Variants in ADAM15 observed in about 807,000 individuals in gnomAD.
ADAM15 encodes the protein disintegrin and metalloproteinase domain-containing protein 15.
A neutral mutation model predicts 113.8 loss-of-function variants in ADAM15; 77 were observed. The ratio of observed to expected loss-of-function variants is 0.68; its 90% CI spans 0.56 to 0.82. The LOEUF (loss-of-function observed/expected upper bound fraction) is 0.82, where lower values mean the gene tolerates loss of function less well. Among genes scored for constraint, ADAM15 ranks in the 40% least tolerant of loss-of-function variants. The probability of loss-of-function intolerance (pLI) is 0.00; values close to 1 mark genes in which losing one functional copy is unlikely to be tolerated. For synonymous variants in ADAM15, 388 were observed against 454.1 expected, an observed-to-expected ratio of 0.85 and a Z score of 1.85; for missense variants, 963 against 1,120.1, an observed-to-expected ratio of 0.86 and a Z score of 2.00.
Position 155,057,330 on chromosome 1 carries a change from C to A in ADAM15, c.1291C>A (p.Pro431Thr). ...AAFCGNMFVEPGEQCDCGFLD... is the reference protein window; with the variant it reads ...AAFCGNMFVETGEQCDCGFLD... ...TTTCTGCGGAAATATGTTTGTGGAG[C>A]CGGGCGAGCAGTGTGACTGTGGCTT... The change falls in exon 12 of 23, where the codon CCG becomes ACG. Residue 431 changes from proline to threonine, a missense_variant. Coordinates refer to ENST00000356955, the MANE Select transcript of ADAM15 (RefSeq NM_207197.3). The surrounding 1 kb of genome is among the most constrained non-coding windows in gnomAD (Gnocchi z 5.0). 2.5e-6 allele frequency: 4 copies of A among 1,614,184 alleles called. No homozygotes were observed. The highest frequency in any genetic ancestry group is 3.4e-6 in the Non-Finnish European group (4 of 1,180,024).
intron 20 of ADAM15, 129 bp from the exon 21 acceptor site, chr1:155,061,775 C>T (rs1662654008): frequency 1.9e-6 from 2 of 1,080,308 alleles, no homozygotes; most frequent in South Asian, 3.2e-5. Context: ...AAGCCCTCTG[C>T]GCATGCCCTC....
Position 155,061,918 on chromosome 1 carries a change from C to T in ADAM15, c.2367C>T (p.Asp789=). The change falls in exon 21 of 23, where the codon GAC becomes GAT. Residue 789 remains aspartate, a synonymous_variant. Coordinates refer to ENST00000356955, the MANE Select transcript of ADAM15 (RefSeq NM_207197.3). ...VSKRLQAELA[D]RPNPPTRPLP... ...TCTCTGTTCAGGCTGAGCTGGCTGA[C>T]CGACCCAATCCCCCTACCCGCCCTC... is the stretch of plus-strand genomic sequence containing the variant. 6.5e-7 allele frequency: 1 copy of T among 1,545,392 alleles called. No individual in the cohort carries two copies. Among genetic ancestry groups the T allele is most frequent in the Non-Finnish European group, 8.7e-7 (1 of 1,143,320 alleles).
Position 155,056,907 on chromosome 1 carries a change from G to T in ADAM15, c.1000-46G>T. The T allele has an allele frequency of 6.6e-7, 1 of 1,521,194 alleles. No homozygotes were observed. Among genetic ancestry groups the T allele is most frequent in the South Asian group, 1.3e-5 (1 of 76,356 alleles). The allele number at this position is 1,521,194 out of a possible 1,614,324, so 94.2% of individuals were successfully genotyped here. Reference sequence around the variant, plus strand: ...GAGAGGGTGGTCTGGGCATTGTGGTGGAGGCAGGCTGGGACTGGACCTACA... The same window carrying T: ...GAGAGGGTGGTCTGGGCATTGTGGTTGAGGCAGGCTGGGACTGGACCTACA... On this transcript the variant is annotated intron_variant, in intron 10 of 22. Coordinates refer to ENST00000356955, the MANE Select transcript of ADAM15 (RefSeq NM_207197.3). The surrounding 1 kb of genome is among the most constrained non-coding windows in gnomAD (Gnocchi z 4.0).
chr1:155,055,472 C>T (rs893271012), intron 6 of ADAM15: 12 of 357,260 alleles, frequency 3.4e-5, no homozygotes, highest in African/African-American at 1.3e-4. Context: ...ATGATCCACC[C>T]GCCTTGTCCT....
Position 155,062,606 on chromosome 1 carries a change from G to A in ADAM15, c.*104G>A. 6.8e-7 allele frequency: 1 copy of A among 1,473,014 alleles called. No individual in the cohort carries two copies. The highest frequency in any genetic ancestry group is 9.3e-7 in the Non-Finnish European group (1 of 1,080,278). The allele number at this position is 1,473,014 out of a possible 1,614,324, so 91.2% of individuals were successfully genotyped here. On this transcript the variant is annotated 3_prime_UTR_variant, in exon 23 of 23. Transcript: ENST00000356955. The surrounding 1 kb of genome is among the most constrained non-coding windows in gnomAD (Gnocchi z 7.0). ...TGACTGAAGGCGCCAGAGACTGGCG[G>A]TGTCTTAAGACTCCGGGCACCGCCA...
Position 155,060,196 on chromosome 1 carries a change from C to G in ADAM15, c.2069-9C>G. On this transcript the variant is annotated splice_polypyrimidine_tract_variant and intron_variant, in intron 17 of 22. Transcript: ENST00000356955. ...CCCGTCCTCCCTTAAACCTGACTTC[C>G]GCCCACAGCAACCAGCTCCCTGACC... 6.2e-7 allele frequency: 1 copy of G among 1,612,556 alleles called. No homozygotes were observed. The highest frequency in any genetic ancestry group is 8.5e-7 in the Non-Finnish European group (1 of 1,178,898).
chr1:155,051,670 C>T (rs955758258), intron 1 of ADAM15: 3 of 464,970 alleles, frequency 6.5e-6, no homozygotes, highest in African/African-American at 6.2e-5. Context: ...CCGGCGCCCC[C>T]TGCCTCCTGC....
In ADAM15 at chr1:155,061,972, G is replaced by A. The variant is rs759494843; in HGVS notation, c.2421G>A (p.Pro807=). Residue 807 remains proline (P), a synonymous_variant, in exon 21 of 23, where the codon CCG becomes CCA. Coordinates refer to ENST00000356955, the MANE Select transcript of ADAM15 (RefSeq NM_207197.3). ...CCGCTGACCCGGTGGTGAGAAGCCC[G>A]AAGGTAACGGTGGGGGGAGAGAAGG... is the stretch of plus-strand genomic sequence containing the variant. ...PLPADPVVRS[P]KSQGPAKPPP... The A allele has an allele frequency of 3.2e-6, 5 of 1,584,534 alleles. No homozygotes were observed. The highest frequency in any genetic ancestry group is 2.7e-5 in the African/African-American group (2 of 73,772).
chr1:155,057,799 C>T lies in ADAM15; in HGVS notation c.1417-52C>T, dbSNP rs1661999698. The T allele has an allele frequency of 6.2e-7, 1 of 1,613,200 alleles. No individual in the cohort carries two copies. Among genetic ancestry groups the T allele is most frequent in the Non-Finnish European group, 8.5e-7 (1 of 1,179,252 alleles). ...CCAAGGTGGAAAGGGTCATTCTGAC[C>T]CCCGGCTGGATTTGCTCAGTGCCCA... On this transcript the variant is annotated intron_variant, in intron 13 of 22. Coordinates refer to ENST00000356955, the MANE Select transcript of ADAM15 (RefSeq NM_207197.3). The surrounding 1 kb of genome is among the most constrained non-coding windows in gnomAD (Gnocchi z 5.0).
chr1:155,052,531 T>A (rs1475452908), intron 1 of ADAM15, 140 bp from the exon 2 acceptor site: 5 of 1,547,720 alleles, frequency 3.2e-6, no homozygotes, highest in Non-Finnish European at 4.4e-6. Flanking sequence ...CTTCTTTAAG[T>A]CTCAGCATGC....
chr1:155,060,040 C>G (rs967593569), intron 17 of ADAM15, 66 bp downstream of exon 17: 3 of 1,595,604 alleles, frequency 1.9e-6, no homozygotes, highest in African/African-American at 2.7e-5. Flanking sequence ...ATCTTGCCCC[C>G]TCGGCCCTCT....
rs543354056 is a variant in ADAM15, at chr1:155,062,477, C to T, written c.2567C>T (p.Pro856Leu). The change falls in exon 23 of 23, where the codon CCG (proline) becomes CTG (leucine). Residue 856 changes from proline to leucine, a missense_variant. By Grantham distance (98) the Pro-to-Leu change is moderately conservative. Transcript: ENST00000356955. The surrounding 1 kb of genome is among the most constrained non-coding windows in gnomAD (Gnocchi z 7.0). ...VVPSRPAPPP[P>L]TVSSLYL ...CAATCCAGACCAGCGCCACCGCCTC[C>T]GACAGTGTCCTCGCTCTACCTCTGA... 14 of 1,613,348 alleles carry T rather than the reference C, an allele frequency of 8.7e-6. No homozygotes were observed. Among genetic ancestry groups the T allele is most frequent in the Middle Eastern group, 1.6e-4 (1 of 6,082 alleles).
In ADAM15 at chr1:155,051,473, C is replaced by T; in HGVS notation, c.79+8C>T. On this transcript the variant is annotated splice_region_variant and intron_variant, in intron 1 of 22. Transcript: ENST00000356955. ...GGCCGCTCCCAAATATAGGTGAGTC[C>T]TCCGCCTGGAGTGGGTCGGGGGGCG... 6.4e-7 allele frequency: 1 copy of T among 1,558,324 alleles called. No individual in the cohort carries two copies. Among genetic ancestry groups the T allele is most frequent in the Non-Finnish European group, 8.6e-7 (1 of 1,157,516 alleles).
chr1:155,062,046 G>A lies in ADAM15; in HGVS notation c.2424+71G>A. ...GGCTGTGGTGCTGGTAGCCATGACG[G>A]TGGTGGCCGTGGCGAGATGCCCCCT... On this transcript the variant is annotated intron_variant, in intron 21 of 22. Coordinates refer to ENST00000356955, the MANE Select transcript of ADAM15 (RefSeq NM_207197.3). This position sits in a 1 kb window ranked among gnomAD's most constrained non-coding sequence, Gnocchi z 7.0. 6.7e-7 allele frequency: 1 copy of A among 1,483,570 alleles called. No homozygotes were observed. Among genetic ancestry groups the A allele is most frequent in the Non-Finnish European group, 9.0e-7 (1 of 1,114,188 alleles). The allele number at this position is 1,483,570 out of a possible 1,614,324, so 91.9% of individuals were successfully genotyped here.
At chr1:155,060,428 G>C in intron 18 of ADAM15, 85 bp downstream of exon 18, 3 of 1,570,706 alleles carry the variant, frequency 1.9e-6, no homozygotes, top group Non-Finnish European at 2.6e-6. Flanking sequence ...CCTGCCACCT[G>C]GTTCTGAGCC....
At chr1:155,061,379 C>A in intron 19 of ADAM15, 36 bp from the exon 20 acceptor site, 1 of 1,586,826 alleles carries the variant, frequency 6.3e-7, no homozygotes. Context: ...CTTCCTCTTC[C>A]CCCTCTGTGC....
rs772785875 is a variant in ADAM15, at chr1:155,057,586, C to T, written c.1324-51C>T. 48 of 1,597,476 alleles carry T rather than the reference C, an allele frequency of 3.0e-5. No homozygotes were observed. The highest frequency in any genetic ancestry group is 4.0e-5 in the Non-Finnish European group (47 of 1,165,744). On this transcript the variant is annotated intron_variant, in intron 12 of 22. Transcript: ENST00000356955. This position sits in a 1 kb window ranked among gnomAD's most constrained non-coding sequence, Gnocchi z 5.0. The stretch of plus-strand genomic sequence containing the variant: ...GGGAGGAGGAGAGATTGGAGGGAGG[C>T]TCACAGGCCCCACCTGCTCTGATGC...
Position 155,062,655 on chromosome 1 carries a change from G to A in ADAM15, c.*153G>A. Reference sequence around the variant, plus strand: ...CACGCGCTGTCAAGCAACACTCTGCGGACCTGCCGGCGTAGTTGCAGCGGG... The same window carrying A: ...CACGCGCTGTCAAGCAACACTCTGCAGACCTGCCGGCGTAGTTGCAGCGGG... On this transcript the variant is annotated 3_prime_UTR_variant, in exon 23 of 23. Transcript: ENST00000356955. This position sits in a 1 kb window ranked among gnomAD's most constrained non-coding sequence, Gnocchi z 7.0. 1.8e-6 allele frequency: 2 copies of A among 1,104,894 alleles called. No individual in the cohort carries two copies. Among genetic ancestry groups the A allele is most frequent in the Non-Finnish European group, 2.5e-6 (2 of 785,090 alleles). 68.4% of individuals were successfully genotyped at this position (1,104,894 alleles called of 1,614,324 possible).
In ADAM15 at chr1:155,058,429, T is replaced by C. The variant is rs1385709534; in HGVS notation, c.1905T>C (p.Cys635=). ...TCCTGACTCTGCCTGGCACAGCCTG[T>C]GGCCCTGGCCTGGTGAGCAGCCTGG... ...QPLLTLPGTA[C]GPGLVCIDHR... Residue 635 remains cysteine (C), a synonymous_variant, in exon 15 of 23, where the codon TGT becomes TGC. Transcript: ENST00000356955. This position sits in a 1 kb window ranked among gnomAD's most constrained non-coding sequence, Gnocchi z 4.3. 6.2e-7 allele frequency: 1 copy of C among 1,611,984 alleles called. No individual in the cohort carries two copies.
Sources: allele counts gnomAD v4.1 joint callset, GRCh38; gene constraint gnomAD v4.1.1; non-coding constraint Gnocchi (gnomAD v3.1); transcripts MANE v1.5; gene names NCBI Gene and HGNC (gene_info 2026-07-23, HGNC 2026-07-21).